The following HTR1F variants were observed in gnomAD, a reference collection of about 807,000 sequenced individuals.
The protein encoded by HTR1F is 5-hydroxytryptamine receptor 1F.
A neutral mutation model predicts 24.0 loss-of-function variants in HTR1F; 17 were observed. The observed-to-expected ratio is 0.71, with a 90% CI of 0.48 to 1.06. The LOEUF (loss-of-function observed/expected upper bound fraction) is 1.06. HTR1F is among the 50% of genes least tolerant of loss of function. The pLI, the probability that HTR1F is intolerant of heterozygous loss-of-function variation, is 0.00. For synonymous variants in HTR1F, 186 were observed against 156.8 expected, an observed-to-expected ratio of 1.19 and a Z score of -1.39; for missense variants, 391 against 427.8, an observed-to-expected ratio of 0.91 and a Z score of 0.76.
At chr3:87,953,352 CAA>C (rs36096688) in intron 2 of HTR1F, among the ~76,000 whole-genome samples, 65,956 of 144,204 alleles carry the variant, frequency 0.46, 15,438 homozygotes, top group African/African-American at 0.62. Context: ...GATTTAACGG[CAA>C]AAAAAAAAAG....
chr3:87,885,026 G>T (rs140894641), intron 2 of HTR1F, among the ~76,000 whole-genome samples: 4 of 151,936 alleles, frequency 2.6e-5, no homozygotes, highest in African/African-American at 9.7e-5. Flanking sequence ...TCCCCAAATC[G>T]ACAGAATATA....
At chr3:87,813,441 G>T (rs1704194451) in intron 1 of HTR1F, among the ~76,000 whole-genome samples, 1 of 152,198 alleles carries the variant, frequency 6.6e-6, no homozygotes, top group South Asian at 2.1e-4. Context: ...ACTTGCTTTT[G>T]ATTTTACAAG....
intron 2 of HTR1F, among the ~76,000 whole-genome samples, chr3:87,967,342 C>T (rs1426780686): frequency 3.3e-5 from 5 of 152,070 alleles, no homozygotes; most frequent in Admixed American, 6.6e-5. Flanking sequence ...CCCCGCTACT[C>T]AGGAGGCTGA....
At chr3:87,809,970 C>T (rs868276945) in intron 1 of HTR1F, among the ~76,000 whole-genome samples, 44 of 151,614 alleles carry the variant, frequency 2.9e-4, no homozygotes, top group African/African-American at 1.1e-3. Flanking sequence ...TATTTTTTTT[C>T]CTTTCAGTAG....
intron 1 of HTR1F, among the ~76,000 whole-genome samples, chr3:87,809,936 C>T (rs1704132837): frequency 6.6e-6 from 1 of 151,868 alleles, no homozygotes; most frequent in East Asian, 1.9e-4. Context: ...ATTGTTTTTA[C>T]CCAATCTGGA....
At chr3:87,963,656 G>A (rs1313909221) in intron 2 of HTR1F, among the ~76,000 whole-genome samples, 4 of 152,198 alleles carry the variant, frequency 2.6e-5, no homozygotes, top group Admixed American at 2.0e-4. Flanking sequence ...GGAAATCCAT[G>A]ATTTTATAGT....
chr3:87,919,996 A>G (rs1453918658), intron 2 of HTR1F, among the ~76,000 whole-genome samples: 2 of 147,930 alleles, frequency 1.4e-5, no homozygotes, highest in African/African-American at 5.0e-5. Flanking sequence ...TGAGTGGATA[A>G]AGAAACTGTG....
Position 87,898,479 on chromosome 3 carries a change from C to T in HTR1F, c.-43+76355C>T, listed in dbSNP as rs1214877566. On this transcript the variant is annotated intron_variant, in intron 2 of 2. Coordinates refer to ENST00000319595, the MANE Select transcript of HTR1F (RefSeq NM_001322209.2). The stretch of plus-strand genomic sequence containing the variant: ...GGCATATGTCATAAAACCAAATCAT[C>T]ATAATTCATGCCTCAACAGATTAGC... Among the ~76,000 whole-genome samples the T allele has an allele frequency of 2.0e-5, 3 of 152,060 alleles. No homozygotes were observed. In the East Asian group the frequency reaches 5.8e-4, roughly 29 times the overall value.
chr3:87,881,022 G>C (rs549924369), intron 2 of HTR1F, among the ~76,000 whole-genome samples: 1 of 152,154 alleles, frequency 6.6e-6, no homozygotes, highest in African/African-American at 2.4e-5. Flanking sequence ...CACAGAATAC[G>C]GGTGATTTCT....
At chr3:87,810,299 C>T (rs1380639018) in intron 1 of HTR1F, among the ~76,000 whole-genome samples, 2 of 152,116 alleles carry the variant, frequency 1.3e-5, no homozygotes, top group Non-Finnish European at 2.9e-5. Flanking sequence ...AAAGAAACTT[C>T]CTTCATCGGA....
At chr3:87,827,158 T>C (rs1284053583) in intron 2 of HTR1F, among the ~76,000 whole-genome samples, 4 of 151,698 alleles carry the variant, frequency 2.6e-5, no homozygotes, top group Non-Finnish European at 5.9e-5. Flanking sequence ...CCAGGATACA[T>C]GTGCAGAACA....
At chr3:87,794,318 G>A (rs1376645552) in intron 1 of HTR1F, among the ~76,000 whole-genome samples, 2 of 152,098 alleles carry the variant, frequency 1.3e-5, no homozygotes, top group Non-Finnish European at 2.9e-5. Flanking sequence ...CTTCCCTAAG[G>A]AAAGAGTCGT....
chr3:87,868,265 G>A (rs189409770), intron 2 of HTR1F, among the ~76,000 whole-genome samples: 144 of 152,046 alleles, frequency 9.5e-4, no homozygotes, highest in African/African-American at 3.4e-3. Context: ...ATCAATGACT[G>A]TCACTCAGAT....
At chr3:87,868,457 T>C (rs1017652239) in intron 2 of HTR1F, among the ~76,000 whole-genome samples, 1 of 152,014 alleles carries the variant, frequency 6.6e-6, no homozygotes, top group African/African-American at 2.4e-5. Flanking sequence ...GAAGAATGAA[T>C]GCAACACAAA....
chr3:87,818,585 G>C (rs1704293633), intron 1 of HTR1F, among the ~76,000 whole-genome samples: 1 of 152,150 alleles, frequency 6.6e-6, no homozygotes, highest in African/African-American at 2.4e-5. Context: ...CCAAACAGTA[G>C]GTGGATAGGC....
chr3:87,861,239 A>T (rs1705312592), intron 2 of HTR1F, among the ~76,000 whole-genome samples: 1 of 152,174 alleles, frequency 6.6e-6, no homozygotes, highest in African/African-American at 2.4e-5. Context: ...GTTCATCGGT[A>T]AAAAGTTGAG....
intron 2 of HTR1F, among the ~76,000 whole-genome samples, chr3:87,895,053 T>C (rs1706169257): frequency 6.6e-6 from 1 of 152,142 alleles, no homozygotes; most frequent in Admixed American, 6.6e-5. Flanking sequence ...TTAACCAGTT[T>C]GCAAAATTCA....
At chr3:87,820,450 A>G (rs543118349) in intron 1 of HTR1F, among the ~76,000 whole-genome samples, 42 of 152,188 alleles carry the variant, frequency 2.8e-4, no homozygotes, top group East Asian at 9.7e-4. Context: ...TGCTGGGATT[A>G]CAGGCGTGAG....
chr3:87,941,266 T>C (rs1442322785), intron 2 of HTR1F, among the ~76,000 whole-genome samples: 1 of 152,214 alleles, frequency 6.6e-6, no homozygotes, highest in African/African-American at 2.4e-5. Context: ...TACCTGGGAA[T>C]CCATATTGGG....
Sources: gnomAD v4.1 joint callset for allele counts (sites outside exome capture counted in the v4.1 genomes callset) on GRCh38, gnomAD v4.1.1 for gene constraint, MANE v1.5 for transcripts, NCBI Gene and HGNC (gene_info 2026-07-23, HGNC 2026-07-21) for gene names.